EEFSEC: variants seen among roughly 807,000 people sequenced by gnomAD.
The protein encoded by EEFSEC is selenocysteine-specific elongation factor.
Under a neutral mutation model 42.1 loss-of-function variants are expected in EEFSEC, and 43 were observed. The observed-to-expected ratio is 1.02, with a 90% CI of 0.80 to 1.32. EEFSEC has a LOEUF of 1.32. Ranked by LOEUF, EEFSEC falls within the 40% of genes most tolerant of loss-of-function variation. EEFSEC has a pLI of 0.00. For missense variants in EEFSEC, 745 were observed against 803.6 expected (o/e 0.93, Z 0.88); for synonymous variants, 354 against 339.1 (o/e 1.04, Z -0.48).
chr3:128,355,968 G>A (rs1415111376), intron 5 of EEFSEC, among the ~76,000 whole-genome samples: 1 of 152,232 alleles, frequency 6.6e-6, no homozygotes, highest in African/African-American at 2.4e-5. Flanking sequence ...CTTGATTTGA[G>A]CCTGCTCAGG....
intron 2 of EEFSEC, among the ~76,000 whole-genome samples, chr3:128,258,464 C>T (rs2066265259): frequency 6.6e-6 from 1 of 152,168 alleles, no homozygotes; most frequent in Non-Finnish European, 1.5e-5. Flanking sequence ...TCAGTTTCCT[C>T]ATCTCTAAAA....
At chr3:128,320,992 C>T (rs768348322) in intron 4 of EEFSEC, among the ~76,000 whole-genome samples, 1 of 152,212 alleles carries the variant, frequency 6.6e-6, no homozygotes, top group Non-Finnish European at 1.5e-5. Context: ...GTAGGTTAAT[C>T]CATGTGAGCT....
chr3:128,241,201 CTTTTTTTTTTT>C (rs373420882), intron 1 of EEFSEC, among the ~76,000 whole-genome samples: 6 of 80,660 alleles, frequency 7.4e-5, no homozygotes, highest in African/African-American at 2.5e-4. Flanking sequence ...CTCTCTCTCT[CTTTTTTTTTTT>C]TTTTTTTTTT....
chr3:128,355,869 A>G (rs2067447155), intron 5 of EEFSEC, among the ~76,000 whole-genome samples: 1 of 152,264 alleles, frequency 6.6e-6, no homozygotes, highest in South Asian at 2.1e-4. Context: ...CTGAAGAGAG[A>G]CAGGGCAGGA....
intron 1 of EEFSEC, among the ~76,000 whole-genome samples, chr3:128,156,540 C>T (rs1238023016): frequency 6.6e-6 from 1 of 152,238 alleles, no homozygotes; most frequent in African/African-American, 2.4e-5. Context: ...CATCCAACAG[C>T]ATTGCTTACT....
intron 1 of EEFSEC, among the ~76,000 whole-genome samples, chr3:128,240,325 C>T (rs964368618): frequency 6.6e-6 from 1 of 152,158 alleles, no homozygotes; most frequent in African/African-American, 2.4e-5. Context: ...CTGAGTCTCT[C>T]CTAATCTTCT....
chr3:128,411,599 AT>A (rs968861134), downstream of EEFSEC, among the ~76,000 whole-genome samples: 14 of 152,216 alleles, frequency 9.2e-5, no homozygotes, highest in African/African-American at 3.1e-4. Context: ...GCCTGCCCAC[AT>A]GGAGTGAGGT....
intron 2 of EEFSEC, among the ~76,000 whole-genome samples, chr3:128,257,838 C>G (rs9289328): frequency 0.032 from 4,888 of 152,222 alleles, 118 homozygotes; most frequent in Middle Eastern, 0.058. Context: ...CAAGCTGTCC[C>G]CCCCCAGCAT....
chr3:128,371,810 C>T (rs183998721), intron 6 of EEFSEC, among the ~76,000 whole-genome samples: 105 of 152,324 alleles, frequency 6.9e-4, no homozygotes, highest in African/African-American at 2.5e-3. Flanking sequence ...CCCTACAGGG[C>T]CATGGGGAAA....
At chr3:128,205,399 T>C (rs1164170727) in intron 1 of EEFSEC, among the ~76,000 whole-genome samples, 2 of 151,342 alleles carry the variant, frequency 1.3e-5, no homozygotes, top group East Asian at 2.0e-4. Flanking sequence ...TTGAGCCTAA[T>C]GAGGGGAAGA....
At chr3:128,249,660 A>G (rs2066164005) in intron 2 of EEFSEC, among the ~76,000 whole-genome samples, 1 of 152,026 alleles carries the variant, frequency 6.6e-6, no homozygotes, top group African/African-American at 2.4e-5. Flanking sequence ...TGTTCTAGAT[A>G]CCTTTTATCA....
intron 1 of EEFSEC, among the ~76,000 whole-genome samples, chr3:128,230,879 A>G (rs915977907): frequency 8.5e-5 from 13 of 152,178 alleles, no homozygotes; most frequent in African/African-American, 2.4e-4. Context: ...GGAGGACTCC[A>G]GGAAGTTTCC....
At chr3:128,401,790 C>T (rs1052889724) in intron 6 of EEFSEC, among the ~76,000 whole-genome samples, 2 of 152,130 alleles carry the variant, frequency 1.3e-5, no homozygotes, top group Admixed American at 6.5e-5. Context: ...TGGATTCCTG[C>T]GCCCACACCT....
intron 1 of EEFSEC, among the ~76,000 whole-genome samples, chr3:128,169,356 G>C (rs1483882083): frequency 6.6e-6 from 1 of 152,192 alleles, no homozygotes; most frequent in African/African-American, 2.4e-5. Flanking sequence ...TTTTCACACA[G>C]CAGACCTGGT....
intron 1 of EEFSEC, among the ~76,000 whole-genome samples, chr3:128,182,908 T>G (rs1368426806): frequency 8.1e-5 from 11 of 136,040 alleles, no homozygotes; most frequent in East Asian, 2.0e-4. Context: ...GTTGGTCTAG[T>G]AGTGGGGGTG....
intron 1 of EEFSEC, among the ~76,000 whole-genome samples, chr3:128,232,869 C>T (rs1387624614): frequency 3.9e-5 from 6 of 152,272 alleles, no homozygotes; most frequent in South Asian, 4.1e-4. Flanking sequence ...TCTGGAAAGG[C>T]GACATAAGCA....
intron 1 of EEFSEC, among the ~76,000 whole-genome samples, chr3:128,239,221 C>T (rs2066044731): frequency 6.6e-6 from 1 of 152,220 alleles, no homozygotes; most frequent in Non-Finnish European, 1.5e-5. Flanking sequence ...TGTATTCGCT[C>T]CATGCTGCCG....
At chr3:128,236,388 G>C (rs182813588) in intron 1 of EEFSEC, among the ~76,000 whole-genome samples, 1 of 152,144 alleles carries the variant, frequency 6.6e-6, no homozygotes, top group African/African-American at 2.4e-5. Context: ...TCTGCGACCC[G>C]TGACTTAATT....
intron 6 of EEFSEC, among the ~76,000 whole-genome samples, chr3:128,401,257 C>G (rs531626247): frequency 6.6e-6 from 1 of 152,336 alleles, no homozygotes; most frequent in South Asian, 2.1e-4. Context: ...GGCAGGGGTC[C>G]TGCCCTGCTG....
Sources: allele counts gnomAD v4.1 joint callset (sites outside exome capture counted in the v4.1 genomes callset), GRCh38; gene constraint gnomAD v4.1.1; transcripts MANE v1.5; gene names NCBI Gene and HGNC (gene_info 2026-07-23, HGNC 2026-07-21).